The following PTPRD variants were observed in gnomAD, a reference collection of about 807,000 sequenced individuals.
The protein encoded by PTPRD is protein tyrosine phosphatase receptor type D.
In PTPRD, 34 loss-of-function variants were observed where a neutral mutation model predicts 214.5. That is an observed-to-expected ratio of 0.16 (90% CI 0.12 to 0.21). The LOEUF is 0.21. Ranked by LOEUF, PTPRD falls within the 10% of genes least tolerant of loss-of-function variation. The pLI, the probability that PTPRD is intolerant of heterozygous loss-of-function variation, is 1.00. For missense variants in PTPRD, 2,545 were observed against 2,398.7 expected (o/e 1.06, Z -1.27); for synonymous variants, 1,128 against 845.7 (o/e 1.33, Z -5.79).
chr9:10,210,663 T>TTA (rs1158014158), intron 3 of PTPRD, among the ~76,000 whole-genome samples: 2 of 149,812 alleles, frequency 1.3e-5, no homozygotes, highest in Non-Finnish European at 3.0e-5. Context: ...ACACATATGT[T>TTA]TATATATGTA....
At chr9:9,248,278 G>A (rs1256323269) in intron 9 of PTPRD, among the ~76,000 whole-genome samples, 1 of 151,904 alleles carries the variant, frequency 6.6e-6, no homozygotes, top group East Asian at 1.9e-4. Flanking sequence ...TTTTTTAGTA[G>A]AGATGGGGTT....
intron 2 of PTPRD, among the ~76,000 whole-genome samples, chr9:10,438,959 T>C (rs1457541227): frequency 2.6e-5 from 4 of 151,752 alleles, no homozygotes; most frequent in Non-Finnish European, 5.9e-5. Context: ...TATCTCTGTG[T>C]ATCCACGCTT....
intron 8 of PTPRD, among the ~76,000 whole-genome samples, chr9:9,457,450 G>A (rs2093170462): frequency 6.6e-6 from 1 of 151,824 alleles, no homozygotes; most frequent in Non-Finnish European, 1.5e-5. Flanking sequence ...ATAATTCTGT[G>A]TTCTATATTT....
intron 8 of PTPRD, among the ~76,000 whole-genome samples, chr9:9,469,188 G>A (rs1223491806): frequency 6.6e-6 from 1 of 151,986 alleles, no homozygotes; most frequent in Non-Finnish European, 1.5e-5. Context: ...AAGTTGAAAT[G>A]CTAATGGATA....
At chr9:9,782,670 T>C (rs539079547) in intron 5 of PTPRD, among the ~76,000 whole-genome samples, 3 of 152,322 alleles carry the variant, frequency 2.0e-5, no homozygotes, top group Non-Finnish European at 4.4e-5. Flanking sequence ...GAGTTATTTA[T>C]GTGGAAGACA....
At chr9:8,435,494 T>C (rs1321848450) in intron 35 of PTPRD, among the ~76,000 whole-genome samples, 1 of 152,210 alleles carries the variant, frequency 6.6e-6, no homozygotes, top group Non-Finnish European at 1.5e-5. Context: ...GCTGCCCAGG[T>C]ACCCAATAAC....
At chr9:10,291,487 T>G (rs1226319067) in intron 3 of PTPRD, among the ~76,000 whole-genome samples, 1 of 151,996 alleles carries the variant, frequency 6.6e-6, no homozygotes, top group Admixed American at 6.6e-5. Flanking sequence ...ATCACAAGTG[T>G]TTTTAATAAA....
chr9:10,516,765 G>T (rs1309822220), intron 2 of PTPRD, among the ~76,000 whole-genome samples: 1 of 151,730 alleles, frequency 6.6e-6, no homozygotes, highest in Non-Finnish European at 1.5e-5. Flanking sequence ...TGTAAGATAA[G>T]GGTCCAATTT....
intron 36 of PTPRD, among the ~76,000 whole-genome samples, chr9:8,390,463 G>A (rs1038628268): frequency 2.0e-5 from 3 of 152,068 alleles, no homozygotes; most frequent in Non-Finnish European, 4.4e-5. Flanking sequence ...GGCCTGCCCT[G>A]GAGTACCCTG....
chr9:10,094,077 T>A (rs148757306), intron 3 of PTPRD, among the ~76,000 whole-genome samples: 1 of 151,370 alleles, frequency 6.6e-6, no homozygotes, highest in African/African-American at 2.4e-5. Context: ...CATGTACCTG[T>A]TGAATCCAAA....
intron 9 of PTPRD, among the ~76,000 whole-genome samples, chr9:9,351,847 T>C (rs2051303926): frequency 6.6e-6 from 1 of 152,046 alleles, no homozygotes; most frequent in Non-Finnish European, 1.5e-5. Context: ...TGTGCCTCCA[T>C]TTCTGTATCC....
At chr9:8,589,650 G>A (rs139122639) in intron 14 of PTPRD, among the ~76,000 whole-genome samples, 52 of 152,286 alleles carry the variant, frequency 3.4e-4, no homozygotes, top group African/African-American at 1.2e-3. Context: ...ATGACAGTGA[G>A]TTCCCAGCAG....
At chr9:8,387,552 G>A (rs758795104) in intron 37 of PTPRD, among the ~76,000 whole-genome samples, 44 of 152,194 alleles carry the variant, frequency 2.9e-4, no homozygotes, top group Non-Finnish European at 3.2e-4. Flanking sequence ...AGACTGGGTA[G>A]GTTGGATTTA....
intron 7 of PTPRD, among the ~76,000 whole-genome samples, chr9:9,713,253 T>A (rs995160655): frequency 2.6e-4 from 39 of 152,258 alleles, no homozygotes; most frequent in African/African-American, 7.2e-4. Flanking sequence ...AAGACACAAA[T>A]TCTCCTTCTA....
rs140082045 is a variant in PTPRD at position 8,318,141 on chromosome 9, C to T, written c.5671-199G>A. On this transcript the variant is annotated intron_variant, in intron 45 of 45. Transcript: ENST00000381196. Reference sequence around the variant, plus strand: ...CCACATGGGGTGTTGATTAACTTTGCCAATCAATTTGACTAAAACGATCTC... The same window carrying T: ...CCACATGGGGTGTTGATTAACTTTGTCAATCAATTTGACTAAAACGATCTC... Among the ~76,000 whole-genome samples the T allele has an allele frequency of 3.3e-5, 5 of 152,002 alleles. No homozygotes were observed. In the East Asian group the frequency reaches 9.7e-4, roughly 29 times the overall value.
intron 2 of PTPRD, among the ~76,000 whole-genome samples, chr9:10,486,693 A>T (rs1303479929): frequency 6.6e-6 from 1 of 152,126 alleles, no homozygotes; most frequent in African/African-American, 2.4e-5. Flanking sequence ...TCAATTTTTT[A>T]AATGTTTTAG....
intron 12 of PTPRD, among the ~76,000 whole-genome samples, chr9:8,669,454 G>T (rs1215164360): frequency 1.3e-5 from 2 of 152,114 alleles, no homozygotes; most frequent in Non-Finnish European, 2.9e-5. Context: ...GTGTACCAGG[G>T]AGAAGGATGT....
intron 9 of PTPRD, among the ~76,000 whole-genome samples, chr9:9,364,966 C>T (rs2057442579): frequency 6.6e-6 from 1 of 151,394 alleles, no homozygotes. Flanking sequence ...AGGTTAAGTT[C>T]TAGGTACATT....
At chr9:9,047,127 C>A (rs988245250) in intron 10 of PTPRD, among the ~76,000 whole-genome samples, 2 of 151,742 alleles carry the variant, frequency 1.3e-5, no homozygotes, top group Admixed American at 1.3e-4. Context: ...AGTGTACAAT[C>A]TGAAAAAGAA....
Sources: allele counts gnomAD v4.1 joint callset (sites outside exome capture counted in the v4.1 genomes callset), GRCh38; gene constraint gnomAD v4.1.1; transcripts MANE v1.5; gene names NCBI Gene and HGNC (gene_info 2026-07-23, HGNC 2026-07-21).